HIVEP2: variants seen among roughly 807,000 people sequenced by gnomAD.
HIVEP2 encodes transcription factor HIVEP2.
A neutral mutation model predicts 180.7 loss-of-function variants in HIVEP2; 14 were observed. That is an observed-to-expected ratio of 0.08 (90% CI 0.05 to 0.12). The LOEUF is 0.12. Among genes scored for constraint, HIVEP2 ranks in the 10% least tolerant of loss-of-function variants. The probability of loss-of-function intolerance (pLI) is 1.00; values close to 1 mark genes in which losing one functional copy is unlikely to be tolerated. For synonymous variants in HIVEP2, 1,184 were observed against 1,136.4 expected, an observed-to-expected ratio of 1.04 and a Z score of -0.84; for missense variants, 2,579 against 3,008.5, an observed-to-expected ratio of 0.86 and a Z score of 3.34.
upstream of HIVEP2, chr6:142,945,318 G>C (rs1362420251): frequency 6.6e-6 from 1 of 152,352 alleles, no homozygotes; most frequent in Non-Finnish European, 1.5e-5. This position sits in a 1 kb window ranked among gnomAD's most constrained non-coding sequence, Gnocchi z 5.5. Flanking sequence ...CCCCTCCCGC[G>C]GTCTCCCCCA....
chr6:142,889,817 G>A (rs1397359738), intron 1 of HIVEP2, among the ~76,000 whole-genome samples: 1 of 152,174 alleles, frequency 6.6e-6, no homozygotes, highest in Non-Finnish European at 1.5e-5. Context: ...CACTAGACAG[G>A]TATCTATATA....
intron 2 of HIVEP2, among the ~76,000 whole-genome samples, chr6:142,808,751 C>T (rs187501915): frequency 2.5e-4 from 34 of 137,276 alleles, no homozygotes; most frequent in African/African-American, 8.2e-4. Context: ...GGGATAGAGG[C>T]AGGGAGGGAG....
At chr6:142,756,713 A>T (rs1775080358) in intron 9 of HIVEP2, among the ~76,000 whole-genome samples, 2 of 151,914 alleles carry the variant, frequency 1.3e-5, no homozygotes, top group South Asian at 4.1e-4. Context: ...CACAGCCATA[A>T]TATTATTTCA....
chr6:142,923,684 T>A (rs4432994), intron 1 of HIVEP2, among the ~76,000 whole-genome samples: 147,089 of 152,244 alleles, frequency 0.97, 71,054 homozygotes, highest in Middle Eastern at 0.98. Context: ...GCAGATCATT[T>A]AACCAAACTC....
In HIVEP2 at chr6:142,773,344, C is replaced by A; in HGVS notation, c.1395G>T (p.Arg465Ser). Residue 465 changes from arginine (R) to serine (S), a missense_variant, in exon 5 of 10, where the codon AGG (arginine) becomes AGT (serine). Arg to Ser is a moderately radical substitution (Grantham distance 110). Coordinates refer to ENST00000367603, the MANE Select transcript of HIVEP2 (RefSeq NM_006734.4). ...IMEPLPHVNT[R>S]LDVKMFEDPV... ...GATCTTCAAACATCTTGACATCTAA[C>A]CTGGTGTTAACGTGAGGTAATGGTT... 1 of 1,614,170 alleles carries A rather than the reference C, an allele frequency of 6.2e-7. No homozygotes were observed. Among genetic ancestry groups the A allele is most frequent in the Non-Finnish European group, 8.5e-7 (1 of 1,180,034 alleles).
chr6:142,907,272 T>C (rs1777288145), intron 1 of HIVEP2, among the ~76,000 whole-genome samples: 1 of 152,224 alleles, frequency 6.6e-6, no homozygotes, highest in Non-Finnish European at 1.5e-5. Context: ...ATCACATTGT[T>C]TGAATACAGG....
chr6:142,914,280 G>A (rs1477348082), intron 1 of HIVEP2, among the ~76,000 whole-genome samples: 1 of 151,942 alleles, frequency 6.6e-6, no homozygotes, highest in Non-Finnish European at 1.5e-5. Flanking sequence ...TCTTACTATG[G>A]ATGGCATCTT....
intron 1 of HIVEP2, among the ~76,000 whole-genome samples, chr6:142,906,115 CAG>C (rs1428814183): frequency 1.3e-5 from 2 of 152,124 alleles, no homozygotes; most frequent in Non-Finnish European, 2.9e-5. Context: ...GCCTAGTTGA[CAG>C]AGTGAGACTC....
intron 2 of HIVEP2, among the ~76,000 whole-genome samples, chr6:142,833,180 A>G (rs1005101079): frequency 2.6e-5 from 4 of 151,564 alleles, no homozygotes; most frequent in African/African-American, 7.3e-5. Context: ...ACTAAAACCA[A>G]CCCCCCCACC....
At chr6:142,945,356 G>A (rs903450510), upstream of HIVEP2, among the ~76,000 whole-genome samples, 17 of 152,066 alleles carry the variant, frequency 1.1e-4, no homozygotes, top group African/African-American at 3.6e-4. The surrounding 1 kb of genome is among the most constrained non-coding windows in gnomAD (Gnocchi z 5.5). Flanking sequence ...CCTCACCCTC[G>A]GGCCACCGGG....
chr6:142,754,319 A>ATT (rs398110782), intron 9 of HIVEP2, among the ~76,000 whole-genome samples: 138 of 151,414 alleles, frequency 9.1e-4, no homozygotes, highest in Non-Finnish European at 1.6e-3. Flanking sequence ...CATTAATAAT[A>ATT]TTTTTTTTAA....
At chr6:142,782,695 C>T (rs1478759361) in intron 3 of HIVEP2, among the ~76,000 whole-genome samples, 1 of 152,152 alleles carries the variant, frequency 6.6e-6, no homozygotes, top group African/African-American at 2.4e-5. Flanking sequence ...TGATGATCAT[C>T]CTCTAATTTG....
Position 142,787,771 on chromosome 6 carries a change from G to A in HIVEP2, c.-527-4156C>T, listed in dbSNP as rs189403137. ...TTTTTGATATAAAGGTAATGGATGA[G>A]GTTGGGGTTGAAATGTAAAAAAGAA... On this transcript the variant is annotated intron_variant, in intron 2 of 9. Transcript: ENST00000367603. Among the ~76,000 whole-genome samples, 240 of 152,244 alleles carry A rather than the reference G, an allele frequency of 1.6e-3. 1 individual carries two copies. The highest frequency in any genetic ancestry group is 2.4e-3 in the Non-Finnish European group (165 of 68,000).
chr6:142,794,907 G>A (rs887394026), intron 2 of HIVEP2, among the ~76,000 whole-genome samples: 1 of 152,150 alleles, frequency 6.6e-6, no homozygotes, highest in Non-Finnish European at 1.5e-5. Context: ...ACTATCCTAA[G>A]TGTTACTCCA....
chr6:142,923,286 G>A (rs923418878), intron 1 of HIVEP2, among the ~76,000 whole-genome samples: 2 of 151,446 alleles, frequency 1.3e-5, no homozygotes, highest in African/African-American at 2.4e-5. Context: ...AGCTGAGATC[G>A]TGCCACTGTA....
intron 1 of HIVEP2, among the ~76,000 whole-genome samples, chr6:142,870,981 T>C (rs146603966): frequency 6.6e-6 from 1 of 152,312 alleles, no homozygotes; most frequent in African/African-American, 2.4e-5. Context: ...CTTTTCACTT[T>C]GTACACCTAC....
intron 1 of HIVEP2, among the ~76,000 whole-genome samples, chr6:142,844,225 A>G (rs1315127427): frequency 6.6e-6 from 1 of 152,190 alleles, no homozygotes; most frequent in Non-Finnish European, 1.5e-5. Flanking sequence ...GTATTGCACA[A>G]TGGATTCAAC....
In HIVEP2 at chr6:142,774,860, C is replaced by T; in HGVS notation, c.-122G>A. 2.6e-6 allele frequency: 4 copies of T among 1,512,870 alleles called. No homozygotes were observed. The highest frequency in any genetic ancestry group is 3.5e-6 in the Non-Finnish European group (4 of 1,139,054). 93.7% of individuals were successfully genotyped at this position (1,512,870 alleles called of 1,614,324 possible). ...ATGTTCCAGGGTGTCTGCAAACTTGCTGATTGCTCCTTCTCTTTGGAACCT... is the reference window on the plus strand; with the variant it reads ...ATGTTCCAGGGTGTCTGCAAACTTGTTGATTGCTCCTTCTCTTTGGAACCT... On this transcript the variant is annotated 5_prime_UTR_variant, in exon 5 of 10. Coordinates refer to ENST00000367603, the MANE Select transcript of HIVEP2 (RefSeq NM_006734.4). This position sits in a 1 kb window ranked among gnomAD's most constrained non-coding sequence, Gnocchi z 5.1.
chr6:142,938,941 T>G (rs1015217934), intron 1 of HIVEP2, among the ~76,000 whole-genome samples: 5 of 152,200 alleles, frequency 3.3e-5, no homozygotes, highest in African/African-American at 1.2e-4. Context: ...GTATTCCAGT[T>G]AACCACGAAA....
Sources: gnomAD v4.1 joint callset for allele counts (sites outside exome capture counted in the v4.1 genomes callset) on GRCh38, gnomAD v4.1.1 for gene constraint, Gnocchi (gnomAD v3.1) non-coding constraint, MANE v1.5 for transcripts, NCBI Gene and HGNC (gene_info 2026-07-23, HGNC 2026-07-21) for gene names.